Variants in ZFHX3 observed in about 807,000 individuals in gnomAD.
ZFHX3 encodes zinc finger homeobox protein 3.
A neutral mutation model predicts 279.1 loss-of-function variants in ZFHX3; 42 were observed. That is an observed-to-expected ratio of 0.15 (90% confidence interval 0.12 to 0.19). The LOEUF (loss-of-function observed/expected upper bound fraction) is 0.19, where lower values mean the gene tolerates loss of function less well. Ranked by LOEUF, ZFHX3 falls within the 10% of genes least tolerant of loss-of-function variation. ZFHX3 has a pLI of 1.00. For missense variants in ZFHX3, 4,981 were observed against 4,754.0 expected (o/e 1.05, Z -1.40); for synonymous variants, 2,293 against 1,957.8 (o/e 1.17, Z -4.52).
chr16:73,448,847 A>C (rs1486320505), intron 3 of ZFHX3, among the ~76,000 whole-genome samples: 3 of 152,128 alleles, frequency 2.0e-5, no homozygotes, highest in Non-Finnish European at 4.4e-5. Context: ...GTATATCTTA[A>C]AGAACAAAGA....
At chr16:73,448,042 T>C (rs1419761111) in intron 3 of ZFHX3, among the ~76,000 whole-genome samples, 1 of 152,170 alleles carries the variant, frequency 6.6e-6, no homozygotes, top group Non-Finnish European at 1.5e-5. Flanking sequence ...ATAAGGACAT[T>C]TGCCAAATCA....
intron 1 of ZFHX3, among the ~76,000 whole-genome samples, chr16:73,710,952 C>T (rs1329141707): frequency 6.6e-6 from 1 of 152,218 alleles, no homozygotes; most frequent in Non-Finnish European, 1.5e-5. Flanking sequence ...TTCCCTGCTA[C>T]TCAGCAAGGC....
chr16:73,517,578 A>G (rs2143700315), intron 2 of ZFHX3, among the ~76,000 whole-genome samples: 2 of 152,356 alleles, frequency 1.3e-5, no homozygotes, highest in Middle Eastern at 6.8e-3. Flanking sequence ...AGGGAGGAGC[A>G]GCAAAGAGTG....
At chr16:73,119,764 C>A (rs1416251555) in intron 7 of ZFHX3, among the ~76,000 whole-genome samples, 1 of 152,154 alleles carries the variant, frequency 6.6e-6, no homozygotes, top group East Asian at 1.9e-4. Flanking sequence ...ATTTCTGCAG[C>A]CTTGAATTCC....
At chr16:73,019,972 G>A (rs139994651) in intron 1 of ZFHX3, among the ~76,000 whole-genome samples, 1,858 of 152,258 alleles carry the variant, frequency 0.012, 62 homozygotes, top group Admixed American at 0.027. Flanking sequence ...TTAACCTCCT[G>A]CAAGCACCAT....
intron 1 of ZFHX3, chr16:72,973,552 A>C (rs549567989): frequency 6.6e-6 from 1 of 152,376 alleles, no homozygotes; most frequent in South Asian, 2.1e-4. Flanking sequence ...TCCTTAAAGA[A>C]GCACAAGCTC....
At chr16:73,732,089 T>A (rs1193351910) in intron 1 of ZFHX3, among the ~76,000 whole-genome samples, 1 of 152,210 alleles carries the variant, frequency 6.6e-6, no homozygotes, top group Non-Finnish European at 1.5e-5. Context: ...TTAGTAAGCA[T>A]CTCTACCAAT....
chr16:73,045,439 A>G (rs1965258999), intron 1 of ZFHX3, among the ~76,000 whole-genome samples: 1 of 152,168 alleles, frequency 6.6e-6, no homozygotes, highest in African/African-American at 2.4e-5. Flanking sequence ...GAGTTGACAC[A>G]GCAGTTAAAT....
At chr16:73,339,063 G>A (rs1002593139) in intron 3 of ZFHX3, among the ~76,000 whole-genome samples, 3 of 152,314 alleles carry the variant, frequency 2.0e-5, no homozygotes, top group Non-Finnish European at 4.4e-5. Flanking sequence ...CTGCAGAACT[G>A]TGAGCCAATT....
Position 73,374,655 on chromosome 16 carries a change from A to G in ZFHX3, c.-1290-56319T>C, listed in dbSNP as rs76851370. Among the ~76,000 whole-genome samples the G allele has an allele frequency of 2.4e-3, 370 of 152,320 alleles. 3 individuals are homozygous for G. Among genetic ancestry groups the G allele is most frequent in the African/African-American group, 8.6e-3 (358 of 41,576 alleles). ...TGAATTAGGATCCAATAATGTCCTT[A>G]CATTGCAATGGTCGATAGGTCTTTT... On this transcript the variant is annotated intron_variant, in intron 3 of 17. Coordinates refer to the ZFHX3 transcript ENST00000641206.
intron 7 of ZFHX3, chr16:73,126,702 A>G (rs930232468): frequency 1.3e-5 from 2 of 152,252 alleles, no homozygotes; most frequent in Admixed American, 1.3e-4. Context: ...GTGAGCCTGG[A>G]ACAAGGATGG....
chr16:73,593,035 C>A (rs1279748415), intron 2 of ZFHX3, among the ~76,000 whole-genome samples: 1 of 151,500 alleles, frequency 6.6e-6, no homozygotes, highest in Non-Finnish European at 1.5e-5. Flanking sequence ...TGGACAAATT[C>A]CTAAAAAAAT....
At chr16:73,461,205 T>A (rs1341172040) in intron 2 of ZFHX3, among the ~76,000 whole-genome samples, 3 of 152,236 alleles carry the variant, frequency 2.0e-5, no homozygotes, top group Non-Finnish European at 4.4e-5. Context: ...GTACCATCGT[T>A]GCTGAAATGT....
At chr16:73,695,964 G>A (rs534773876) in intron 1 of ZFHX3, among the ~76,000 whole-genome samples, 52 of 152,322 alleles carry the variant, frequency 3.4e-4, no homozygotes, top group African/African-American at 1.1e-3. Flanking sequence ...ACTGTCTTAT[G>A]CCAAGAGATA....
At chr16:72,875,049 G>C (rs1352099943) in intron 4 of ZFHX3, among the ~76,000 whole-genome samples, 1 of 152,176 alleles carries the variant, frequency 6.6e-6, no homozygotes, top group Non-Finnish European at 1.5e-5. Flanking sequence ...TTGATGCTGT[G>C]CTCCCATCAA....
chr16:72,826,040 T>C (rs971216413), intron 5 of ZFHX3, among the ~76,000 whole-genome samples: 4 of 152,222 alleles, frequency 2.6e-5, no homozygotes, highest in Admixed American at 2.6e-4. Flanking sequence ...ATAATCTCAC[T>C]GAATTTGTGA....
chr16:72,939,713 C>T (rs62053188), intron 3 of ZFHX3, among the ~76,000 whole-genome samples: 2 of 152,192 alleles, frequency 1.3e-5, no homozygotes, highest in African/African-American at 2.4e-5. Flanking sequence ...CACGGTGAAA[C>T]CCTGTCTCTA....
chr16:73,269,937 G>A (rs2014094600), intron 4 of ZFHX3, among the ~76,000 whole-genome samples: 1 of 151,962 alleles, frequency 6.6e-6, no homozygotes, highest in Non-Finnish European at 1.5e-5. Context: ...TAGTAGAGAT[G>A]GAGTTTCACC....
At chr16:72,969,599 G>A (rs113069338) in intron 1 of ZFHX3, among the ~76,000 whole-genome samples, 12 of 152,016 alleles carry the variant, frequency 7.9e-5, no homozygotes, top group African/African-American at 2.9e-4. Context: ...ACACTACACT[G>A]AAGCAACTAT....
Sources: gnomAD v4.1 joint callset for allele counts (sites outside exome capture counted in the v4.1 genomes callset) on GRCh38, gnomAD v4.1.1 for gene constraint, MANE v1.5 for transcripts, NCBI Gene and HGNC (gene_info 2026-07-23, HGNC 2026-07-21) for gene names.